The following KBTBD12 variants were observed in gnomAD, a reference collection of about 807,000 sequenced individuals.
KBTBD12 encodes the protein kelch repeat and BTB domain containing 12.
KBTBD12 carries 53 observed loss-of-function variants against 58.7 expected under a neutral mutation model. That is an observed-to-expected ratio of 0.90 (90% CI 0.72 to 1.14). The LOEUF (loss-of-function observed/expected upper bound fraction) is 1.14, where lower values mean the gene tolerates loss of function less well. Among genes scored for constraint, KBTBD12 ranks in the 50% most tolerant of loss-of-function variants. KBTBD12 has a pLI of 0.00. For missense variants in KBTBD12, 704 were observed against 751.3 expected, an observed-to-expected ratio of 0.94 and a Z score of 0.74; for synonymous variants, 236 against 259.8, an observed-to-expected ratio of 0.91 and a Z score of 0.88.
At chr3:127,952,437 C>T (rs1940227669) in intron 4 of KBTBD12, among the ~76,000 whole-genome samples, 1 of 152,114 alleles carries the variant, frequency 6.6e-6, no homozygotes, top group Admixed American at 6.5e-5. Flanking sequence ...CTCTCCTTCC[C>T]ACTGCTGTTG....
At chr3:127,978,341 C>T (rs1940819201) in intron 5 of KBTBD12, among the ~76,000 whole-genome samples, 1 of 152,156 alleles carries the variant, frequency 6.6e-6, no homozygotes, top group Admixed American at 6.5e-5. Context: ...CAATTAAATC[C>T]CCTGGCCAGA....
chr3:127,939,023 G>A (rs1209968101), intron 4 of KBTBD12, among the ~76,000 whole-genome samples: 6 of 152,326 alleles, frequency 3.9e-5, no homozygotes, highest in African/African-American at 1.4e-4. Flanking sequence ...ATTGTGCACA[G>A]AGAGAGCTCC....
chr3:127,953,948 G>A (rs370091721), intron 4 of KBTBD12, among the ~76,000 whole-genome samples: 75 of 152,110 alleles, frequency 4.9e-4, no homozygotes, highest in African/African-American at 1.7e-3. Context: ...TACCCTAAGT[G>A]GAAACACAGG....
At chr3:127,964,602 A>T (rs1299780597) in intron 5 of KBTBD12, among the ~76,000 whole-genome samples, 3 of 150,022 alleles carry the variant, frequency 2.0e-5, no homozygotes, top group Non-Finnish European at 4.4e-5. Flanking sequence ...AGATCGTGCC[A>T]CTACACTCCA....
chr3:127,963,537 G>A lies in KBTBD12; in HGVS notation c.1690+151G>A, dbSNP rs1393420065. The A allele has an allele frequency of 1.4e-5, 10 of 690,738 alleles. No individual in the cohort carries two copies. In the East Asian group the frequency reaches 2.9e-4, roughly 20 times the overall value. The allele number at this position is 690,738 out of a possible 1,614,324, so 42.8% of individuals were successfully genotyped here. A position where few individuals can be genotyped will look rare whatever the true frequency, so the allele number is the denominator to read the frequency against. The stretch of plus-strand genomic sequence containing the variant: ...TCAGGGACCCTGTGCAAAACCTCTT[G>A]GCCTGGGTTTCACATGGACAAAGTG... On this transcript the variant is annotated intron_variant, in intron 5 of 5. Coordinates refer to ENST00000405109, the MANE Select transcript of KBTBD12 (RefSeq NM_207335.4).
Position 127,923,011 on chromosome 3 carries a change from A to T in KBTBD12, c.-51A>T. 9.5e-7 allele frequency: 1 copy of T among 1,051,892 alleles called. No individual in the cohort carries two copies. 65.2% of individuals were successfully genotyped at this position (1,051,892 alleles called of 1,614,324 possible). On this transcript the variant is annotated 5_prime_UTR_variant, in exon 2 of 6. Coordinates refer to ENST00000405109, the MANE Select transcript of KBTBD12 (RefSeq NM_207335.4). Reference sequence around the variant, plus strand: ...TCAGACATGCAAATAGCCCCTCAGGAATCAAGCTACACTTAAAGAAGACTT... The same window carrying T: ...TCAGACATGCAAATAGCCCCTCAGGTATCAAGCTACACTTAAAGAAGACTT...
chr3:127,917,943 C>A (rs1305113040), intron 1 of KBTBD12, among the ~76,000 whole-genome samples: 1 of 152,162 alleles, frequency 6.6e-6, no homozygotes, highest in East Asian at 1.9e-4. Flanking sequence ...GGTATGGTGG[C>A]TCAAGCATAT....
At chr3:127,945,221 G>T (rs1479309982) in intron 4 of KBTBD12, among the ~76,000 whole-genome samples, 2 of 109,350 alleles carry the variant, frequency 1.8e-5, no homozygotes, top group African/African-American at 3.5e-5. Context: ...GTCTCGCTCT[G>T]TCGCCCAGGC....
rs79111161 is a variant in KBTBD12 at position 127,985,874 on chromosome 3, C to T, written c.*1596C>T. 1,029 of 152,490 alleles carry T rather than the reference C, an allele frequency of 6.7e-3. 9 individuals carry two copies. The highest frequency in any genetic ancestry group is 0.029 in the South Asian group (141 of 4,834). 9.4% of individuals were successfully genotyped at this position (152,490 alleles called of 1,614,324 possible). ...TTTCTCAATCAGAGGGCCTGGGCCC[C>T]GAGCACGTCCAGGAATCTGAGTTAA... is the stretch of plus-strand genomic sequence containing the variant. On this transcript the variant is annotated 3_prime_UTR_variant, in exon 6 of 6. Coordinates refer to ENST00000405109, the MANE Select transcript of KBTBD12 (RefSeq NM_207335.4).
intron 5 of KBTBD12, among the ~76,000 whole-genome samples, chr3:127,964,140 G>T (rs962194792): frequency 6.6e-6 from 1 of 152,072 alleles, no homozygotes; most frequent in African/African-American, 2.4e-5. Flanking sequence ...AAATAAGGCA[G>T]AATGCAGTTA....
At chr3:127,937,505 G>T (rs990685550) in intron 4 of KBTBD12, among the ~76,000 whole-genome samples, 2 of 152,082 alleles carry the variant, frequency 1.3e-5, no homozygotes, top group African/African-American at 2.4e-5. Flanking sequence ...TGAAGAATTT[G>T]CCCAGAGTGC....
intron 1 of KBTBD12, among the ~76,000 whole-genome samples, chr3:127,919,286 A>G (rs1245390368): frequency 6.6e-6 from 1 of 152,152 alleles, no homozygotes; most frequent in Admixed American, 6.5e-5. Flanking sequence ...GCAGGAGTGC[A>G]GTGGCACGAT....
At chr3:127,918,479 G>A (rs1028159644) in intron 1 of KBTBD12, among the ~76,000 whole-genome samples, 7 of 152,296 alleles carry the variant, frequency 4.6e-5, no homozygotes, top group South Asian at 4.1e-4. Flanking sequence ...TTGGGAGGCC[G>A]AGGCGGGCAG....
chr3:127,953,313 G>A (rs1267357801), intron 4 of KBTBD12, among the ~76,000 whole-genome samples: 2 of 152,138 alleles, frequency 1.3e-5, no homozygotes, highest in Non-Finnish European at 1.5e-5. Flanking sequence ...GTCCTCATGC[G>A]TTGGGAGTCA....
chr3:127,925,050 A>G (rs1243739238), intron 2 of KBTBD12, among the ~76,000 whole-genome samples: 7 of 152,210 alleles, frequency 4.6e-5, no homozygotes, highest in Admixed American at 3.9e-4. Context: ...AGCAGTAAAG[A>G]TGGGACTAAA....
At chr3:127,941,788 C>T (rs530153390) in intron 4 of KBTBD12, among the ~76,000 whole-genome samples, 35 of 152,122 alleles carry the variant, frequency 2.3e-4, no homozygotes, top group Middle Eastern at 3.4e-3. Flanking sequence ...TTAGTAGAGA[C>T]GGGGTTTCAC....
chr3:127,918,733 A>G (rs1576367319), intron 1 of KBTBD12, among the ~76,000 whole-genome samples: 2 of 151,832 alleles, frequency 1.3e-5, no homozygotes, highest in East Asian at 3.9e-4. Context: ...AAAGAAAAAG[A>G]AAAGAGAACA....
At chr3:127,935,721 C>CA (rs1219676916) in intron 4 of KBTBD12, among the ~76,000 whole-genome samples, 30 of 152,080 alleles carry the variant, frequency 2.0e-4, no homozygotes, top group African/African-American at 7.0e-4. Context: ...GATGTATAGC[C>CA]AGTCATTATC....
chr3:127,981,147 A>T (rs1940865671), intron 5 of KBTBD12, among the ~76,000 whole-genome samples: 1 of 152,226 alleles, frequency 6.6e-6, no homozygotes. Context: ...TGCCAAATTC[A>T]CACCTAAAAA....
Sources: allele counts gnomAD v4.1 joint callset (sites outside exome capture counted in the v4.1 genomes callset), GRCh38; gene constraint gnomAD v4.1.1; transcripts MANE v1.5; gene names NCBI Gene and HGNC (gene_info 2026-07-23, HGNC 2026-07-21).